COBLL1: variants seen among roughly 807,000 people sequenced by gnomAD.
The protein encoded by COBLL1 is cordon-bleu protein-like 1.
COBLL1 carries 50 observed loss-of-function variants against 94.8 expected under a neutral mutation model. That is an observed-to-expected ratio of 0.53 (90% confidence interval 0.42 to 0.67). COBLL1 has a LOEUF of 0.67. Ranked by LOEUF, COBLL1 falls within the 30% of genes least tolerant of loss-of-function variation. The pLI is 0.00. For synonymous variants in COBLL1, 448 were observed against 473.8 expected, an observed-to-expected ratio of 0.95 and a Z score of 0.71; for missense variants, 1,362 against 1,348.7, an observed-to-expected ratio of 1.01 and a Z score of -0.15.
In COBLL1 at chr2:164,726,028, T is replaced by C. The variant is rs188565501; in HGVS notation, c.661+1941A>G. ...GTAGATTCTGATACTGTAAACTTTCTTAATTTTAATATTTCACTCTCTTAA... is the reference window on the plus strand; with the variant it reads ...GTAGATTCTGATACTGTAAACTTTCCTAATTTTAATATTTCACTCTCTTAA... On this transcript the variant is annotated intron_variant, in intron 5 of 13. Coordinates refer to ENST00000652658, the MANE Select transcript of COBLL1 (RefSeq NM_001365672.2). 8.5e-5 allele frequency among the ~76,000 whole-genome samples: 13 copies of C among 152,360 alleles called. 2 individuals carry two copies. The South Asian group carries it at 1.5e-3, about 17-fold the overall frequency.
Position 164,694,806 on chromosome 2 carries a change from G to A in COBLL1, c.2586C>T (p.Ala862=). ...TCTGCAAAAAAAAAGAGCTGGGTTT[G>A]GCCTGGGCATTTGAAGCCCGAGATT... is the stretch of plus-strand genomic sequence containing the variant. The part of the protein sequence containing the change: ...KFKSRASNAQ[A]KPSSFFLQMQ... The change falls in exon 12 of 14, where the codon GCC becomes GCT. Residue 862 remains alanine (A), a synonymous_variant. Transcript: ENST00000652658. The A allele has an allele frequency of 6.2e-7, 1 of 1,613,784 alleles. No individual in the cohort carries two copies. Among genetic ancestry groups the A allele is most frequent in the Non-Finnish European group, 8.5e-7 (1 of 1,179,912 alleles).
chr2:164,720,486 G>C lies in COBLL1; in HGVS notation c.996+1589C>G, dbSNP rs184913586. 1.5e-3 allele frequency among the ~76,000 whole-genome samples: 232 copies of C among 152,240 alleles called. 1 individual carries two copies. The highest frequency in any genetic ancestry group is 5.3e-3 in the African/African-American group (222 of 41,532). On this transcript the variant is annotated intron_variant, in intron 7 of 13. Transcript: ENST00000652658. ...ATTGGATGAGGACAGCTGGAATAAA[G>C]ATTTGTGAGCATGGGCTAAAGTATA...
intron 2 of COBLL1, among the ~76,000 whole-genome samples, chr2:164,807,834 C>T (rs1366691625): frequency 2.0e-5 from 3 of 151,636 alleles, no homozygotes; most frequent in East Asian, 3.9e-4. Context: ...TATTTTATTT[C>T]ATTTTGTGAC....
At chr2:164,765,477 C>T (rs1359222460) in intron 2 of COBLL1, among the ~76,000 whole-genome samples, 2 of 151,922 alleles carry the variant, frequency 1.3e-5, no homozygotes, top group African/African-American at 2.4e-5. Context: ...TACGCTAATG[C>T]CATAAAAGGT....
Position 164,841,100 on chromosome 2 carries a change from T to TGTCCTCGCCGGCCTCGCC in COBLL1, c.41+38_41+55dup, listed in dbSNP as rs1683578556. The stretch of plus-strand genomic sequence containing the variant: ...CCAGGTGAAACGGCCGAGGCCTCGC[T>TGTCCTCGCCGGCCTCGCC]GTCCTCGCCGGCCTCGCCCTCCCCG... On this transcript the variant is annotated intron_variant, in intron 2 of 13. Coordinates refer to ENST00000652658, the MANE Select transcript of COBLL1 (RefSeq NM_001365672.2). This position sits in a 1 kb window ranked among gnomAD's most constrained non-coding sequence, Gnocchi z 5.5. 8.1e-7 allele frequency: 1 copy of TGTCCTCGCCGGCCTCGCC among 1,227,308 alleles called. No individual in the cohort carries two copies. Among genetic ancestry groups the TGTCCTCGCCGGCCTCGCC allele is most frequent in the Admixed American group, 4.2e-5 (1 of 23,584 alleles). The allele number at this position is 1,227,308 out of a possible 1,614,324, so 76.0% of individuals were successfully genotyped here.
intron 2 of COBLL1, among the ~76,000 whole-genome samples, chr2:164,805,327 CTCTCTCTCTCTATATATA>C (rs1368250057): frequency 3.4e-4 from 9 of 26,484 alleles, no homozygotes; most frequent in South Asian, 1.3e-3. Flanking sequence ...CTCTCTCTCT[CTCTCTCTCTCTATATATA>C]TATATATATA....
chr2:164,668,303 C>A (rs1691196759), intron 1 of COBLL1, among the ~76,000 whole-genome samples: 1 of 152,170 alleles, frequency 6.6e-6, no homozygotes, highest in Non-Finnish European at 1.5e-5. Flanking sequence ...TAAACTTGAT[C>A]ATTCCTAGCT....
intron 2 of COBLL1, among the ~76,000 whole-genome samples, chr2:164,829,172 G>A (rs1014504541): frequency 2.6e-5 from 4 of 152,144 alleles, no homozygotes; most frequent in Non-Finnish European, 4.4e-5. Context: ...CCCACAATCA[G>A]ATATGGTACT....
chr2:164,802,778 A>T (rs999304320), intron 2 of COBLL1, among the ~76,000 whole-genome samples: 16 of 152,228 alleles, frequency 1.1e-4, no homozygotes, highest in East Asian at 7.7e-4. Context: ...TCCCTGAACA[A>T]CATCCCATTA....
In COBLL1 at chr2:164,695,044, G is replaced by A. The variant is rs768553171; in HGVS notation, c.2348C>T (p.Ser783Phe). 2.5e-6 allele frequency: 4 copies of A among 1,613,870 alleles called. No individual in the cohort carries two copies. Among genetic ancestry groups the A allele is most frequent in the Non-Finnish European group, 3.4e-6 (4 of 1,179,962 alleles). The change falls in exon 12 of 14, where the codon TCT (serine) becomes TTT (phenylalanine). Residue 783 changes from serine to phenylalanine, a missense_variant. Physicochemically the swap from Ser to Phe is radical, Grantham distance 155. Transcript: ENST00000652658. ...VKETAIQTED[S>F]AISESPEEPL... is the part of the protein sequence containing the mutation. ...CTCTTCTGGGCTTTCAGAAATAGCA[G>A]AATCTTCTGTTTGGATGGCAGTTTC...
At chr2:164,794,759 T>A (rs3769908) in intron 2 of COBLL1, among the ~76,000 whole-genome samples, 53,918 of 151,672 alleles carry the variant, frequency 0.36, 9,737 homozygotes, top group Admixed American at 0.41. Flanking sequence ...TTCAACCCCC[T>A]CATGAAGACT....
chr2:164,692,958 T>G (rs1683694142), intron 12 of COBLL1, among the ~76,000 whole-genome samples: 2 of 152,152 alleles, frequency 1.3e-5, no homozygotes, highest in Admixed American at 6.6e-5. Context: ...GTTTTATTTT[T>G]TGCCATGAGA....
At chr2:164,719,763 G>C (rs1168003814) in intron 7 of COBLL1, among the ~76,000 whole-genome samples, 2 of 152,094 alleles carry the variant, frequency 1.3e-5, no homozygotes, top group Non-Finnish European at 2.9e-5. Context: ...AAGGGTTAGA[G>C]CTCAGACATA....
intron 13 of COBLL1, among the ~76,000 whole-genome samples, chr2:164,686,756 A>C (rs1010322724): frequency 6.6e-6 from 1 of 152,202 alleles, no homozygotes; most frequent in African/African-American, 2.4e-5. Context: ...CTGTATTCTG[A>C]ATAGTAAATA....
rs1430100186 is a variant in COBLL1 at position 164,702,952 on chromosome 2, A to G, written c.1225+1492T>C. On this transcript the variant is annotated intron_variant, in intron 9 of 13. Coordinates refer to ENST00000652658, the MANE Select transcript of COBLL1 (RefSeq NM_001365672.2). The stretch of plus-strand genomic sequence containing the variant: ...GGTTGGGAAAAACAACAAACTCTAC[A>G]CCCAGATAAAATTTCAAGTGAAAAA... 3 of 624,986 alleles carry G rather than the reference A, an allele frequency of 4.8e-6. No homozygotes were observed. The African/African-American group carries it at 5.5e-5, about 12-fold the overall frequency. 38.7% of individuals were successfully genotyped at this position (624,986 alleles called of 1,614,324 possible).
intron 2 of COBLL1, among the ~76,000 whole-genome samples, chr2:164,800,809 A>G (rs903317275): frequency 6.6e-6 from 1 of 152,178 alleles, no homozygotes; most frequent in Non-Finnish European, 1.5e-5. Flanking sequence ...AAGGTTGCAT[A>G]CTGTATGGTT....
chr2:164,821,481 T>C (rs979327907), intron 2 of COBLL1, among the ~76,000 whole-genome samples: 1 of 152,182 alleles, frequency 6.6e-6, no homozygotes, highest in Admixed American at 6.5e-5. Context: ...ATGTGATTAC[T>C]GGAAGACAGC....
rs542654820 is a variant in COBLL1 at position 164,823,044 on chromosome 2, A to C, written c.41+18112T>G. Among the ~76,000 whole-genome samples, 15 of 152,258 alleles carry C rather than the reference A, an allele frequency of 9.9e-5. No homozygotes were observed. The East Asian group carries it at 1.7e-3, about 18-fold the overall frequency. On this transcript the variant is annotated intron_variant, in intron 2 of 13. Transcript: ENST00000652658. ...CATAAATTCATCCAAGGAACAACAA[A>C]AAAAAAGTATTTGAAATTGCATAAT...
intron 2 of COBLL1, among the ~76,000 whole-genome samples, chr2:164,762,235 T>C (rs1703979577): frequency 6.6e-6 from 1 of 152,196 alleles, no homozygotes; most frequent in African/African-American, 2.4e-5. Flanking sequence ...ACCATGCTCT[T>C]TGGCCACAGG....
Sources: gnomAD v4.1 joint callset for allele counts (sites outside exome capture counted in the v4.1 genomes callset) on GRCh38, gnomAD v4.1.1 for gene constraint, Gnocchi (gnomAD v3.1) non-coding constraint, MANE v1.5 for transcripts, NCBI Gene and HGNC (gene_info 2026-07-23, HGNC 2026-07-21) for gene names.